Variants in PDE12 observed in about 807,000 individuals in gnomAD.
PDE12 encodes the protein phosphodiesterase 12, also known as 2',5'-phosphodiesterase 12.
In PDE12, 26 loss-of-function variants were observed where a neutral mutation model predicts 45.4. The ratio of observed to expected loss-of-function variants is 0.57; its 90% CI spans 0.42 to 0.79. PDE12 has a LOEUF of 0.79. PDE12 is among the 30% of genes least tolerant of loss of function. PDE12 has a pLI of 0.00. For missense variants in PDE12, 668 were observed against 790.0 expected, an observed-to-expected ratio of 0.85 and a Z score of 1.85; for synonymous variants, 283 against 323.9, an observed-to-expected ratio of 0.87 and a Z score of 1.36.
At chr3:57,644,840 G>GA in the PDE12 span, among the ~76,000 whole-genome samples, 1 of 141,550 alleles carries the variant, frequency 7.1e-6, no homozygotes, top group Middle Eastern at 3.7e-3. Flanking sequence ...GAAAGAAAAG[G>GA]AAAAACAGGG....
chr3:57,616,586 C>A, the PDE12 span, among the ~76,000 whole-genome samples: 1 of 152,114 alleles, frequency 6.6e-6, no homozygotes, highest in Non-Finnish European at 1.5e-5. Context: ...AGTTAAACAC[C>A]ATCCCATAGA....
chr3:57,601,395 C>T, the PDE12 span, among the ~76,000 whole-genome samples: 3 of 152,142 alleles, frequency 2.0e-5, no homozygotes, highest in Admixed American at 1.3e-4. Flanking sequence ...AGGTGTGAGC[C>T]ACCGCGCCCA....
chr3:57,579,538 T>G, the PDE12 span, among the ~76,000 whole-genome samples: 1 of 152,004 alleles, frequency 6.6e-6, no homozygotes, highest in Non-Finnish European at 1.5e-5. Flanking sequence ...TCTGCCTGCT[T>G]TGGCCTCCCA....
At chr3:57,608,564 C>CA in the PDE12 span, among the ~76,000 whole-genome samples, 1 of 150,974 alleles carries the variant, frequency 6.6e-6, no homozygotes, top group Non-Finnish European at 1.5e-5. Flanking sequence ...AAATGGAAAA[C>CA]AAAAAAAGGC....
At chr3:57,646,192 T>A in the PDE12 span, 18 of 1,347,516 alleles carry the variant, frequency 1.3e-5, no homozygotes, top group Non-Finnish European at 1.7e-5. Flanking sequence ...GGTTTTTGCA[T>A]GGATCAATGC....
chr3:57,588,490 C>A, the PDE12 span, among the ~76,000 whole-genome samples: 1 of 151,924 alleles, frequency 6.6e-6, no homozygotes, highest in Non-Finnish European at 1.5e-5. Flanking sequence ...GGTGGATGAC[C>A]TGAGCTCAGG....
chr3:57,619,125 G>A, the PDE12 span, among the ~76,000 whole-genome samples: 6 of 152,072 alleles, frequency 3.9e-5, no homozygotes, highest in East Asian at 5.9e-4. Context: ...CAAGGTGGGC[G>A]GATCATGAGG....
chr3:57,631,544 G>A, the PDE12 span, among the ~76,000 whole-genome samples: 1 of 151,866 alleles, frequency 6.6e-6, no homozygotes, highest in Non-Finnish European at 1.5e-5. Flanking sequence ...GCAACTATAG[G>A]CCAGATAATG....
chr3:57,632,070 A>AGT, the PDE12 span, among the ~76,000 whole-genome samples: 2 of 131,418 alleles, frequency 1.5e-5, no homozygotes, highest in Non-Finnish European at 3.1e-5. Flanking sequence ...GCCCAGGCTG[A>AGT]GTGCAGTGGC....
At chr3:57,616,947 C>T in the PDE12 span, among the ~76,000 whole-genome samples, 1 of 152,112 alleles carries the variant, frequency 6.6e-6, no homozygotes, top group Admixed American at 6.6e-5. Flanking sequence ...TTGCTTGAAC[C>T]CGGGAAGCGG....
chr3:57,615,633 G>C, the PDE12 span, among the ~76,000 whole-genome samples: 1 of 151,826 alleles, frequency 6.6e-6, no homozygotes, highest in Admixed American at 6.6e-5. Flanking sequence ...GTGAAACCTC[G>C]TCTCTACTAA....
chr3:57,590,354 C>T, the PDE12 span, among the ~76,000 whole-genome samples: 35 of 150,850 alleles, frequency 2.3e-4, no homozygotes, highest in African/African-American at 8.5e-4. Flanking sequence ...GGCGCAGTGG[C>T]GGGTGCCTGT....
At chr3:57,632,333 T>C in the PDE12 span, among the ~76,000 whole-genome samples, 1 of 151,842 alleles carries the variant, frequency 6.6e-6, no homozygotes, top group African/African-American at 2.4e-5. Flanking sequence ...CCATGCTCTT[T>C]TTTTTTTTAA....
At position 57,556,841 on chromosome 3, in the gene PDE12, G is replaced by A; in HGVS notation, c.462G>A (p.Lys154=). 6.8e-6 allele frequency: 11 copies of A among 1,614,040 alleles called. No individual in the cohort carries two copies. Among genetic ancestry groups the A allele is most frequent in the Non-Finnish European group, 9.3e-6 (11 of 1,180,038 alleles). ...DGAVLQIGDV[K]YKVERNPPAF... ...CGGTGCTGCAGATCGGCGATGTTAAGTACAAGGTGGAGCGCAACCCGCCCG... is the reference window on the plus strand; with the variant it reads ...CGGTGCTGCAGATCGGCGATGTTAAATACAAGGTGGAGCGCAACCCGCCCG... The change falls in exon 1 of 3, where the codon AAG becomes AAA. Residue 154 remains lysine (K), a synonymous_variant. Coordinates refer to ENST00000311180, the MANE Select transcript of PDE12 (RefSeq NM_177966.7). The surrounding 1 kb of genome is among the most constrained non-coding windows in gnomAD (Gnocchi z 5.0).
At chr3:57,602,112 T>C in the PDE12 span, among the ~76,000 whole-genome samples, 1 of 152,142 alleles carries the variant, frequency 6.6e-6, no homozygotes, top group Non-Finnish European at 1.5e-5. Context: ...GCGGTACTAT[T>C]TAATAGCAAT....
chr3:57,563,827 T>C lies in PDE12; in HGVS notation c.*3823T>C, dbSNP rs1435188328. 6.6e-6 allele frequency: 1 copy of C among 152,202 alleles called. No individual in the cohort carries two copies. The highest frequency in any genetic ancestry group is 1.5e-5 in the Non-Finnish European group (1 of 68,092). 9.4% of individuals were successfully genotyped at this position (152,202 alleles called of 1,614,324 possible). On this transcript the variant is annotated 3_prime_UTR_variant, in exon 3 of 3. Transcript: ENST00000311180. The stretch of plus-strand genomic sequence containing the variant: ...TGAGCCCATGAGGTCAAGCCTGCAG[T>C]GAGTTGTGATCAAGGTGCGCTGCAC...
At chr3:57,581,217 T>C in the PDE12 span, among the ~76,000 whole-genome samples, 6 of 152,192 alleles carry the variant, frequency 3.9e-5, no homozygotes, top group Admixed American at 1.3e-4. Context: ...ATTTTATAGC[T>C]AGGAGAACTG....
chr3:57,573,921 A>G, the PDE12 span, among the ~76,000 whole-genome samples: 1 of 149,642 alleles, frequency 6.7e-6, no homozygotes, highest in Non-Finnish European at 1.5e-5. Flanking sequence ...TATCTCAAAC[A>G]GGCAATAGGT....
the PDE12 span, among the ~76,000 whole-genome samples, chr3:57,645,075 T>C: frequency 6.6e-6 from 1 of 152,094 alleles, no homozygotes; most frequent in South Asian, 2.1e-4. Flanking sequence ...AGATTATTTT[T>C]TCTTTTTACA....
Sources: allele counts gnomAD v4.1 joint callset (sites outside exome capture counted in the v4.1 genomes callset), GRCh38; gene constraint gnomAD v4.1.1; non-coding constraint Gnocchi (gnomAD v3.1); transcripts MANE v1.5; gene names NCBI Gene and HGNC (gene_info 2026-07-23, HGNC 2026-07-21).